The following OXR1 variants were observed in gnomAD, a reference collection of about 807,000 sequenced individuals.
The protein encoded by OXR1 is oxidation resistance 1.
A neutral mutation model predicts 104.6 loss-of-function variants in OXR1; 41 were observed. The ratio of observed to expected loss-of-function variants is 0.39; its 90% CI spans 0.31 to 0.51. OXR1 has a LOEUF of 0.51. Among genes scored for constraint, OXR1 ranks in the 20% least tolerant of loss-of-function variants. The probability of loss-of-function intolerance (pLI) is 0.77; values close to 1 mark genes in which losing one functional copy is unlikely to be tolerated. For missense variants in OXR1, 955 were observed against 1,031.9 expected (o/e 0.93, Z 1.02); for synonymous variants, 348 against 348.4 (o/e 1.00, Z 0.01).
intron 3 of OXR1, among the ~76,000 whole-genome samples, chr8:106,598,060 C>A (rs1390448064): frequency 6.6e-6 from 1 of 152,168 alleles, no homozygotes; most frequent in Non-Finnish European, 1.5e-5. Flanking sequence ...CCAGGGCCTT[C>A]CCCCTGTTCC....
chr8:106,291,628 A>C (rs1812755571), intron 1 of OXR1, among the ~76,000 whole-genome samples: 1 of 152,198 alleles, frequency 6.6e-6, no homozygotes, highest in South Asian at 2.1e-4. Context: ...AAATTTCATT[A>C]GTTTCAAATT....
At chr8:106,740,919 G>A (rs1834869160) in intron 14 of OXR1, among the ~76,000 whole-genome samples, 1 of 152,094 alleles carries the variant, frequency 6.6e-6, no homozygotes, top group Admixed American at 6.5e-5. Flanking sequence ...AGTAATATTG[G>A]TTTGTTCTTC....
intron 16 of OXR1, among the ~76,000 whole-genome samples, chr8:106,748,766 C>T (rs1002574612): frequency 2.6e-5 from 4 of 151,146 alleles, no homozygotes; most frequent in African/African-American, 4.9e-5. Flanking sequence ...GACAGGGTTT[C>T]GCCATGTTGG....
Position 106,279,906 on chromosome 8 carries a change from G to A in OXR1, c.-139+9539G>A, listed in dbSNP as rs1812207549. ...ATTCTGAAGAGCAGGACCTTGGACA[G>A]GATAATATCCCAGTGCTGGAATGGA... is the stretch of plus-strand genomic sequence containing the variant. On this transcript the variant is annotated intron_variant, in intron 1 of 16. Coordinates refer to ENST00000517566, the MANE Select transcript of OXR1 (RefSeq NM_001198533.2). 3.9e-5 allele frequency among the ~76,000 whole-genome samples: 6 copies of A among 152,258 alleles called. No homozygotes were observed. In the South Asian group the frequency reaches 1.2e-3, roughly 32 times the overall value.
chr8:106,581,478 A>G (rs1818217011), intron 3 of OXR1, among the ~76,000 whole-genome samples: 1 of 152,064 alleles, frequency 6.6e-6, no homozygotes, highest in South Asian at 2.1e-4. Context: ...GTGTGTTGTC[A>G]GTAATATTTT....
At chr8:106,502,419 A>C (rs1811873967) in intron 2 of OXR1, among the ~76,000 whole-genome samples, 1 of 152,216 alleles carries the variant, frequency 6.6e-6, no homozygotes, top group Non-Finnish European at 1.5e-5. Flanking sequence ...ATTCTCAGAA[A>C]AGCAAATTCA....
chr8:106,405,145 T>C (rs1166196334), intron 2 of OXR1, among the ~76,000 whole-genome samples: 2,333 of 20,154 alleles, frequency 0.12, 130 homozygotes, highest in African/African-American at 0.36. Context: ...AAACCACATA[T>C]ATATATATAT....
intron 1 of OXR1, among the ~76,000 whole-genome samples, chr8:106,290,952 CA>C (rs1415454163): frequency 6.6e-6 from 1 of 151,980 alleles, no homozygotes; most frequent in Admixed American, 6.6e-5. Flanking sequence ...GGTATATGGC[CA>C]AAAGAAAATA....
At chr8:106,750,074 AGAT>A (rs1835744683) in intron 16 of OXR1, among the ~76,000 whole-genome samples, 1 of 151,974 alleles carries the variant, frequency 6.6e-6, no homozygotes, top group South Asian at 2.1e-4. Context: ...ATTTTATTTT[AGAT>A]GATACTGAAT....
chr8:106,558,191 C>A (rs1404094557), intron 3 of OXR1, among the ~76,000 whole-genome samples: 1 of 152,178 alleles, frequency 6.6e-6, no homozygotes, highest in African/African-American at 2.4e-5. Context: ...AGGACATATG[C>A]ATAGGAAAAG....
At chr8:106,358,395 A>T (rs778800291) in intron 1 of OXR1, among the ~76,000 whole-genome samples, 16 of 152,202 alleles carry the variant, frequency 1.1e-4, no homozygotes, top group Non-Finnish European at 1.6e-4. Context: ...AATCCTTCCC[A>T]ACTCCCTGAG....
chr8:106,629,993 G>A (rs1822526154), intron 3 of OXR1, among the ~76,000 whole-genome samples: 1 of 152,148 alleles, frequency 6.6e-6, no homozygotes. Flanking sequence ...AGAAACTCCT[G>A]CCTCTGCCTT....
intron 3 of OXR1, among the ~76,000 whole-genome samples, chr8:106,646,930 T>C (rs10505095): frequency 0.18 from 27,591 of 152,232 alleles, 2,675 homozygotes; most frequent in East Asian, 0.39. Flanking sequence ...ACTTGTCCAA[T>C]GAGCTGAGTG....
At chr8:106,339,954 T>G (rs952853814) in intron 1 of OXR1, among the ~76,000 whole-genome samples, 2 of 152,148 alleles carry the variant, frequency 1.3e-5, no homozygotes, top group African/African-American at 4.8e-5. Flanking sequence ...CAATAAATAT[T>G]AGCTTTTATG....
intron 3 of OXR1, among the ~76,000 whole-genome samples, chr8:106,655,093 C>A (rs1824934368): frequency 6.6e-6 from 1 of 152,212 alleles, no homozygotes; most frequent in African/African-American, 2.4e-5. Flanking sequence ...AAAGGCAAAT[C>A]CACCGAGGCA....
At chr8:106,341,074 C>A (rs1815226217) in intron 1 of OXR1, among the ~76,000 whole-genome samples, 1 of 152,088 alleles carries the variant, frequency 6.6e-6, no homozygotes, top group Non-Finnish European at 1.5e-5. Flanking sequence ...ACTGCTGCTA[C>A]TAAAAGTTTC....
chr8:106,352,891 A>G (rs1219964589), intron 1 of OXR1, among the ~76,000 whole-genome samples: 1 of 152,250 alleles, frequency 6.6e-6, no homozygotes, highest in African/African-American at 2.4e-5. Flanking sequence ...TTTACTCTAT[A>G]AGCATAGATT....
intron 8 of OXR1, among the ~76,000 whole-genome samples, chr8:106,703,832 T>G (rs539476395): frequency 4.6e-5 from 7 of 152,134 alleles, no homozygotes; most frequent in African/African-American, 1.7e-4. Flanking sequence ...GAAATTGATA[T>G]GTACTAGGAA....
intron 2 of OXR1, among the ~76,000 whole-genome samples, chr8:106,364,343 G>A (rs1410091772): frequency 6.6e-6 from 1 of 152,164 alleles, no homozygotes. Context: ...ACATTGGGAG[G>A]CCGAGGCGGG....
Sources: gnomAD v4.1 joint callset for allele counts (sites outside exome capture counted in the v4.1 genomes callset) on GRCh38, gnomAD v4.1.1 for gene constraint, MANE v1.5 for transcripts, NCBI Gene and HGNC (gene_info 2026-07-23, HGNC 2026-07-21) for gene names.